APBB1IP: variants seen among roughly 807,000 people sequenced by gnomAD.
The protein encoded by APBB1IP is amyloid beta A4 precursor protein-binding family B member 1-interacting protein.
A neutral mutation model predicts 64.9 loss-of-function variants in APBB1IP; 27 were observed. The observed-to-expected ratio is 0.42, with a 90% CI of 0.31 to 0.57. The LOEUF (loss-of-function observed/expected upper bound fraction) is 0.57. APBB1IP is among the 20% of genes least tolerant of loss of function. The pLI is 0.20. For missense variants in APBB1IP, 812 were observed against 845.5 expected (o/e 0.96, Z 0.49); for synonymous variants, 392 against 331.0 (o/e 1.18, Z -2.00).
At chr10:26,500,779 A>G in intron 4 of APBB1IP, 40 bp from the exon 5 acceptor site, 1 of 1,553,794 alleles carries the variant, frequency 6.4e-7, no homozygotes, top group Non-Finnish European at 8.7e-7. Context: ...TTCCAGATGC[A>G]AATAGGTTTT....
chr10:26,524,586 T>C (rs1380801024), intron 8 of APBB1IP, among the ~76,000 whole-genome samples: 1 of 152,142 alleles, frequency 6.6e-6, no homozygotes, highest in Admixed American at 6.5e-5. Context: ...AAATCATAAA[T>C]CAATATGTGG....
At chr10:26,555,473 A>T (rs1836883731) in intron 11 of APBB1IP, among the ~76,000 whole-genome samples, 2 of 152,312 alleles carry the variant, frequency 1.3e-5, no homozygotes, top group South Asian at 4.1e-4. Flanking sequence ...AGTATGGAAC[A>T]TACTATTTCA....
At chr10:26,540,886 T>C (rs913243754) in intron 10 of APBB1IP, among the ~76,000 whole-genome samples, 2 of 151,926 alleles carry the variant, frequency 1.3e-5, no homozygotes, top group Admixed American at 1.3e-4. Flanking sequence ...AAGTGTGTGC[T>C]GATTTACTGA....
intron 2 of APBB1IP, among the ~76,000 whole-genome samples, chr10:26,461,616 T>C (rs1835593320): frequency 6.6e-6 from 1 of 152,046 alleles, no homozygotes; most frequent in African/African-American, 2.4e-5. Flanking sequence ...ATAAATCCAT[T>C]TGGGGATCTA....
At chr10:26,490,997 G>A (rs1416939151) in intron 2 of APBB1IP, among the ~76,000 whole-genome samples, 1 of 152,104 alleles carries the variant, frequency 6.6e-6, no homozygotes, top group African/African-American at 2.4e-5. Flanking sequence ...TGTCCTTAGA[G>A]GCTGAGCAAG....
Position 26,536,197 on chromosome 10 carries a change from G to A in APBB1IP, c.1024G>A (p.Val342Ile), listed in dbSNP as rs1210706920. 6.4e-7 allele frequency: 1 copy of A among 1,556,948 alleles called. No individual in the cohort carries two copies. Among genetic ancestry groups the A allele is most frequent in the Admixed American group, 2.0e-5 (1 of 50,374 alleles). Residue 342 changes from valine to isoleucine, a missense_variant, in exon 10 of 15, where the codon GTA becomes ATA. Val to Ile is a conservative substitution (Grantham distance 29). Around this residue, in one of 3 missense-constraint regions of APBB1IP, gnomAD observed 394 missense variants for 413.1 expected, o/e 0.95. Coordinates refer to ENST00000376236, the MANE Select transcript of APBB1IP (RefSeq NM_019043.4). ...FLLRASGIYY[V>I]PKGKTKTSRD... ...TTTACGGGCTTCTGGAATTTATTAT[G>A]TACCCAAAGGAAAGACTAAGGTCAG...
chr10:26,544,707 G>A (rs1362931683), intron 11 of APBB1IP, among the ~76,000 whole-genome samples: 3 of 152,160 alleles, frequency 2.0e-5, no homozygotes, highest in South Asian at 2.1e-4. Flanking sequence ...AGTGAACAGG[G>A]GAGGGACTCA....
intron 2 of APBB1IP, among the ~76,000 whole-genome samples, chr10:26,455,395 G>A (rs948500294): frequency 6.6e-6 from 1 of 152,056 alleles, no homozygotes; most frequent in African/African-American, 2.4e-5. Context: ...CAGGTGTGGT[G>A]CGGGCGCTTG....
At chr10:26,439,713 G>A (rs1364282354) in intron 2 of APBB1IP, among the ~76,000 whole-genome samples, 1 of 152,164 alleles carries the variant, frequency 6.6e-6, no homozygotes, top group Non-Finnish European at 1.5e-5. Flanking sequence ...TGACGAGACG[G>A]AGTACTAGAG....
intron 6 of APBB1IP, among the ~76,000 whole-genome samples, chr10:26,507,659 C>T (rs1481762021): frequency 2.0e-5 from 3 of 152,180 alleles, no homozygotes; most frequent in African/African-American, 4.8e-5. Context: ...GAGTCATTGA[C>T]TTTACCTCTC....
chr10:26,540,236 A>G (rs1430563091), intron 10 of APBB1IP, among the ~76,000 whole-genome samples: 1 of 152,214 alleles, frequency 6.6e-6, no homozygotes, highest in Non-Finnish European at 1.5e-5. Context: ...TGAATGTCAT[A>G]TATTAATTCA....
intron 11 of APBB1IP, among the ~76,000 whole-genome samples, chr10:26,559,654 G>T: frequency 6.8e-6 from 1 of 146,822 alleles, no homozygotes. Flanking sequence ...CAGAGTCTTG[G>T]TCTATCACCC....
At chr10:26,552,698 CTGTTTACTTCT>C (rs1218991293) in intron 11 of APBB1IP, among the ~76,000 whole-genome samples, 1 of 152,114 alleles carries the variant, frequency 6.6e-6, no homozygotes, top group African/African-American at 2.4e-5. Context: ...AGTTTACTTC[CTGTTTACTTCT>C]AAATTTATCC....
intron 11 of APBB1IP, among the ~76,000 whole-genome samples, chr10:26,548,362 G>A (rs1334752657): frequency 3.4e-5 from 4 of 118,554 alleles, no homozygotes; most frequent in Non-Finnish European, 5.0e-5. Context: ...AACAGGCCCC[G>A]GTGTGTGATG....
At chr10:26,551,563 T>G (rs1836831137) in intron 11 of APBB1IP, among the ~76,000 whole-genome samples, 1 of 152,192 alleles carries the variant, frequency 6.6e-6, no homozygotes, top group Non-Finnish European at 1.5e-5. Context: ...CTAGATGCAA[T>G]GGGGCAGAAG....
At chr10:26,537,605 T>A (rs906724321) in intron 10 of APBB1IP, among the ~76,000 whole-genome samples, 9 of 152,156 alleles carry the variant, frequency 5.9e-5, no homozygotes, top group African/African-American at 1.9e-4. Context: ...AATAAACATA[T>A]AACAAACAAT....
At chr10:26,555,798 T>G (rs1233988696) in intron 11 of APBB1IP, among the ~76,000 whole-genome samples, 2 of 152,186 alleles carry the variant, frequency 1.3e-5, no homozygotes. Context: ...AAGGTTTCAC[T>G]GTGTTGCCTA....
rs1293688578 is a variant in APBB1IP, at chr10:26,544,137, CAA to C, written c.1155+2447_1155+2448del. ...TCTCAGGCCCCCAGAGATCTGGACA[CAA>C]AGCATCGCCCACTACCCTGTCCCTC... On this transcript the variant is annotated intron_variant, in intron 11 of 14. Transcript: ENST00000376236. Among the ~76,000 whole-genome samples the C allele has an allele frequency of 2.6e-5, 4 of 152,320 alleles. No individual in the cohort carries two copies. In the East Asian group the frequency reaches 7.7e-4, roughly 29 times the overall value.
At chr10:26,446,092 C>T (rs536379721) in intron 2 of APBB1IP, among the ~76,000 whole-genome samples, 48 of 149,270 alleles carry the variant, frequency 3.2e-4, no homozygotes, top group African/African-American at 1.2e-3. Flanking sequence ...TTATGTGGGG[C>T]AGAAGCGGGG....
Sources: gnomAD v4.1 joint callset for allele counts (sites outside exome capture counted in the v4.1 genomes callset) on GRCh38, gnomAD v4.1.1 for gene constraint, gnomAD v4.1.1 regional missense constraint, MANE v1.5 for transcripts, NCBI Gene and HGNC (gene_info 2026-07-23, HGNC 2026-07-21) for gene names.